The following ADAM17 variants were observed in gnomAD, a reference collection of about 807,000 sequenced individuals.
ADAM17 encodes ADAM metallopeptidase domain 17, also known as disintegrin and metalloproteinase domain-containing protein 17.
In ADAM17, 39 loss-of-function variants were observed where a neutral mutation model predicts 96.7. The ratio of observed to expected loss-of-function variants is 0.40; its 90% confidence interval spans 0.31 to 0.53. The LOEUF (loss-of-function observed/expected upper bound fraction) is 0.53. ADAM17 is among the 20% of genes least tolerant of loss of function. ADAM17 has a pLI of 0.44. For missense variants in ADAM17, 777 were observed against 1,013.2 expected (o/e 0.77, Z 3.17); for synonymous variants, 344 against 359.2 (o/e 0.96, Z 0.48).
chr2:9,514,650 G>T (rs932797253), intron 10 of ADAM17, among the ~76,000 whole-genome samples: 5 of 149,098 alleles, frequency 3.4e-5, no homozygotes, highest in African/African-American at 1.2e-4. Flanking sequence ...AAGGCGGGCA[G>T]ATCACAAGGT....
At chr2:9,549,012 T>C (rs538385852) in intron 1 of ADAM17, among the ~76,000 whole-genome samples, 4 of 152,302 alleles carry the variant, frequency 2.6e-5, no homozygotes, top group African/African-American at 9.6e-5. Context: ...ATAAAGTATA[T>C]CCATATTTTC....
intron 1 of ADAM17, among the ~76,000 whole-genome samples, chr2:9,555,092 C>A (rs531719724): frequency 6.6e-6 from 1 of 152,226 alleles, no homozygotes; most frequent in South Asian, 2.1e-4. Context: ...AGGAAGAATT[C>A]TGGAGCTTTG....
In ADAM17 at chr2:9,488,753, A is replaced by G. The variant is rs917911643; in HGVS notation, c.*1424T>C. The G allele has an allele frequency of 6.5e-6, 1 of 153,058 alleles. No homozygotes were observed. Among genetic ancestry groups the G allele is most frequent in the Admixed American group, 6.5e-5 (1 of 15,332 alleles). 9.5% of individuals were successfully genotyped at this position (153,058 alleles called of 1,614,324 possible). The stretch of plus-strand genomic sequence containing the variant: ...TAAAAGATAGCAAATACCATAAGGT[A>G]CAAGTTCAAGTATTAGTATAACAAG... On this transcript the variant is annotated 3_prime_UTR_variant, in exon 19 of 19. Transcript: ENST00000310823.
intron 7 of ADAM17, chr2:9,522,426 A>T (rs1664352682): frequency 3.4e-6 from 2 of 594,272 alleles, no homozygotes; most frequent in African/African-American, 3.6e-5. Flanking sequence ...CATGTTACCT[A>T]TTCAAATAAT....
intron 14 of ADAM17, chr2:9,496,498 A>T (rs1018909136): frequency 6.6e-6 from 1 of 152,340 alleles, no homozygotes; most frequent in African/African-American, 2.4e-5. Context: ...TGGGAAGCAG[A>T]GTCCAGCCAG....
In ADAM17 at chr2:9,490,178, T is replaced by G. The variant is rs1395447006; in HGVS notation, c.2474A>C (p.Ter825SerextTer7). The change falls in exon 19 of 19, where the codon TAA (stop) becomes TCA (serine). Residue 825 changes from the stop codon to serine, a stop_lost. Transcript: ENST00000310823. Reference sequence around the variant, plus strand: ...AAGTCAGAAGAGCTGAGAACTAAATTAGCACTCTGTTTCTTTGCTGTCAAC... The same window carrying G: ...AAGTCAGAAGAGCTGAGAACTAAATGAGCACTCTGTTTCTTTGCTGTCAAC... ...NRVDSKETEC[*>S] is the part of the protein sequence containing the mutation. 7 of 1,590,248 alleles carry G rather than the reference T, an allele frequency of 4.4e-6. No homozygotes were observed. The highest frequency in any genetic ancestry group is 6.0e-6 in the Non-Finnish European group (7 of 1,161,086).
At chr2:9,547,893 A>G (rs973677623) in intron 1 of ADAM17, among the ~76,000 whole-genome samples, 2 of 152,066 alleles carry the variant, frequency 1.3e-5, no homozygotes, top group African/African-American at 4.8e-5. Context: ...TCTACCAAAA[A>G]AATAAATAAA....
At chr2:9,523,386 C>G in intron 6 of ADAM17, 48 bp from the exon 7 acceptor site, 1 of 1,428,574 alleles carries the variant, frequency 7.0e-7, no homozygotes, top group Non-Finnish European at 9.8e-7. Flanking sequence ...CTCTTTACCT[C>G]TCCTGGCAAT....
chr2:9,520,296 G>A (rs952598224), intron 8 of ADAM17, among the ~76,000 whole-genome samples: 26 of 152,166 alleles, frequency 1.7e-4, no homozygotes, highest in African/African-American at 5.6e-4. Flanking sequence ...CTACACCAAA[G>A]TAATAGCACA....
Position 9,530,580 on chromosome 2 carries a change from T to C in ADAM17, c.451-2626A>G, listed in dbSNP as rs143544473. On this transcript the variant is annotated intron_variant, in intron 4 of 18. Transcript: ENST00000310823. Reference sequence around the variant, plus strand: ...AAAAATAATTTGATGAGTAATTGACTAAAAGGCAGAAAACTGGATTGGATC... The same window carrying C: ...AAAAATAATTTGATGAGTAATTGACCAAAAGGCAGAAAACTGGATTGGATC... 6.4e-4 allele frequency among the ~76,000 whole-genome samples: 97 copies of C among 152,256 alleles called. 2 individuals carry two copies. In the East Asian group the frequency reaches 0.017, roughly 27 times the overall value.
chr2:9,499,710 C>T (rs1039675855), intron 13 of ADAM17, among the ~76,000 whole-genome samples: 1 of 152,016 alleles, frequency 6.6e-6, no homozygotes, highest in Admixed American at 6.6e-5. Context: ...CCATCAGGTT[C>T]CTAACATTTG....
chr2:9,491,116 A>G lies in ADAM17; in HGVS notation c.2118T>C (p.Ser706=), dbSNP rs370157347. 6 of 1,613,446 alleles carry G rather than the reference A, an allele frequency of 3.7e-6. No individual in the cohort carries two copies. The highest frequency in any genetic ancestry group is 5.1e-6 in the Non-Finnish European group (6 of 1,179,460). ...GTATACTTACACTGGGGTGAAACAG[A>G]GACAGAGATTCATACTGTTTATCCA... The part of the protein sequence containing the change: ...KKLDKQYESL[S]LFHPSNVEML... The change falls in exon 18 of 19, where the codon TCT becomes TCC. Residue 706 remains serine (S), a synonymous_variant. Coordinates refer to ENST00000310823, the MANE Select transcript of ADAM17 (RefSeq NM_003183.6).
intron 2 of ADAM17, 31 bp downstream of exon 2, chr2:9,543,122 C>T: frequency 6.5e-7 from 1 of 1,534,190 alleles, no homozygotes; most frequent in Non-Finnish European, 8.8e-7. Flanking sequence ...CCCCAGTGCC[C>T]CAACATTATT....
intron 1 of ADAM17, among the ~76,000 whole-genome samples, chr2:9,550,637 G>A (rs191038726): frequency 6.2e-4 from 94 of 151,504 alleles, no homozygotes; most frequent in Non-Finnish European, 1.1e-3. Flanking sequence ...GTAGAGACAG[G>A]TTTCACCATG....
At chr2:9,545,152 T>C (rs1665359596) in intron 1 of ADAM17, among the ~76,000 whole-genome samples, 1 of 152,178 alleles carries the variant, frequency 6.6e-6, no homozygotes, top group South Asian at 2.1e-4. Flanking sequence ...AACTGGGAAT[T>C]TGTTAAAAAT....
At chr2:9,492,730 TAAGCTTTCTACA>T (rs1662261813) in intron 17 of ADAM17, among the ~76,000 whole-genome samples, 156 bp downstream of exon 17, 1 of 152,174 alleles carries the variant, frequency 6.6e-6, no homozygotes, top group Non-Finnish European at 1.5e-5. Context: ...GACCATTAGT[TAAGCTTTCTACA>T]AGACATGTTC....
chr2:9,509,515 A>G (rs1405785231), intron 11 of ADAM17, among the ~76,000 whole-genome samples: 1 of 152,232 alleles, frequency 6.6e-6, no homozygotes, highest in Non-Finnish European at 1.5e-5. Context: ...AGAGCTATGA[A>G]TAAGACAGAC....
chr2:9,544,881 C>A (rs535054565), intron 1 of ADAM17, among the ~76,000 whole-genome samples: 1 of 152,184 alleles, frequency 6.6e-6, no homozygotes, highest in Non-Finnish European at 1.5e-5. Flanking sequence ...AACATCCTTG[C>A]CTCACAATAC....
intron 1 of ADAM17, among the ~76,000 whole-genome samples, chr2:9,554,601 A>G (rs1251372774): frequency 6.6e-6 from 1 of 152,254 alleles, no homozygotes; most frequent in Non-Finnish European, 1.5e-5. Context: ...AATTTCACAC[A>G]CTGGGAAAAC....
Sources: gnomAD v4.1 joint callset for allele counts (sites outside exome capture counted in the v4.1 genomes callset) on GRCh38, gnomAD v4.1.1 for gene constraint, MANE v1.5 for transcripts, NCBI Gene and HGNC (gene_info 2026-07-23, HGNC 2026-07-21) for gene names.